Variants in HERC4 observed in about 807,000 individuals in gnomAD.
The protein encoded by HERC4 is HECT and RLD domain containing E3 ubiquitin protein ligase 4.
Under a neutral mutation model 124.3 loss-of-function variants are expected in HERC4, and 28 were observed. The ratio of observed to expected loss-of-function variants is 0.23; its 90% CI spans 0.17 to 0.31. HERC4 has a LOEUF of 0.31. HERC4 is among the 10% of genes least tolerant of loss of function. The probability of loss-of-function intolerance (pLI) is 1.00; values close to 1 mark genes in which losing one functional copy is unlikely to be tolerated. For missense variants in HERC4, 713 were observed against 1,229.3 expected (o/e 0.58, Z 6.28); for synonymous variants, 407 against 421.5 (o/e 0.97, Z 0.42).
chr10:67,928,041 A>G (rs1180263520), intron 23 of HERC4, among the ~76,000 whole-genome samples: 3 of 152,152 alleles, frequency 2.0e-5, no homozygotes, highest in African/African-American at 4.8e-5. Flanking sequence ...TAAACACACA[A>G]AGGAGGTGAG....
intron 3 of HERC4, among the ~76,000 whole-genome samples, chr10:68,053,410 C>T (rs2040410148): frequency 6.6e-6 from 1 of 151,654 alleles, no homozygotes; most frequent in African/African-American, 2.4e-5. Context: ...CTCAGGTGAT[C>T]CTCCTGCTTC....
intron 19 of HERC4, among the ~76,000 whole-genome samples, chr10:67,950,943 T>A (rs1024835816): frequency 6.6e-6 from 1 of 152,140 alleles, no homozygotes; most frequent in Non-Finnish European, 1.5e-5. Context: ...GCTAATGCCA[T>A]GGCTGGGGTG....
intron 8 of HERC4, among the ~76,000 whole-genome samples, 164 bp from the exon 9 acceptor site, chr10:68,014,350 A>C (rs758439167): frequency 6.6e-6 from 1 of 152,240 alleles, no homozygotes; most frequent in Non-Finnish European, 1.5e-5. Flanking sequence ...AACAGACTTA[A>C]TCTATAGAAT....
chr10:67,988,515 A>C, intron 15 of HERC4, 148 bp downstream of exon 15: 1 of 515,352 alleles, frequency 1.9e-6, no homozygotes, highest in Non-Finnish European at 3.3e-6. Context: ...ACTTCTTTTA[A>C]GAGAAAGTAT....
At chr10:67,967,319 G>C (rs1317397956) in intron 15 of HERC4, among the ~76,000 whole-genome samples, 1 of 152,072 alleles carries the variant, frequency 6.6e-6, no homozygotes, top group African/African-American at 2.4e-5. Flanking sequence ...TCTGCATTCA[G>C]TACCCCAAAA....
intron 19 of HERC4, among the ~76,000 whole-genome samples, chr10:67,949,532 C>G (rs769698696): frequency 2.0e-5 from 3 of 152,286 alleles, no homozygotes; most frequent in South Asian, 2.1e-4. Context: ...AAACCAATAT[C>G]CCTTATGACT....
At chr10:67,933,735 T>C (rs150585699) in intron 22 of HERC4, among the ~76,000 whole-genome samples, 62 of 152,286 alleles carry the variant, frequency 4.1e-4, no homozygotes, top group African/African-American at 1.4e-3. Flanking sequence ...ACAATCCTAA[T>C]AGCCAACATT....
chr10:68,010,852 C>T (rs2037907866), intron 9 of HERC4: 2 of 1,531,590 alleles, frequency 1.3e-6, no homozygotes, highest in South Asian at 2.3e-5. Flanking sequence ...CAAGTTCTTT[C>T]TGCAGAGCTT....
intron 16 of HERC4, among the ~76,000 whole-genome samples, chr10:67,957,505 C>T (rs1191765486): frequency 2.6e-5 from 4 of 152,018 alleles, no homozygotes; most frequent in African/African-American, 7.2e-5. Context: ...TTTAAAGTTA[C>T]GAGAACTGAT....
intron 16 of HERC4, among the ~76,000 whole-genome samples, chr10:67,957,661 C>T (rs757046681): frequency 2.4e-4 from 36 of 152,104 alleles, no homozygotes; most frequent in Non-Finnish European, 4.3e-4. Flanking sequence ...AGTTGGAGGA[C>T]GACCTACTTC....
intron 23 of HERC4, among the ~76,000 whole-genome samples, chr10:67,930,209 G>GT (rs1301065213): frequency 6.6e-6 from 1 of 151,788 alleles, no homozygotes; most frequent in Non-Finnish European, 1.5e-5. Context: ...GTTGTTTCCA[G>GT]TTTTTCACTC....
At chr10:68,027,277 T>C (rs891514988) in intron 7 of HERC4, among the ~76,000 whole-genome samples, 9 of 152,232 alleles carry the variant, frequency 5.9e-5, no homozygotes, top group African/African-American at 1.9e-4. Flanking sequence ...AGAGAAAATA[T>C]AGTAAATCAC....
chr10:68,071,579 G>A (rs897412879), intron 3 of HERC4, among the ~76,000 whole-genome samples: 4 of 152,048 alleles, frequency 2.6e-5, no homozygotes, highest in African/African-American at 9.7e-5. Context: ...AATAGTAAAG[G>A]GCCCATTTGT....
intron 22 of HERC4, among the ~76,000 whole-genome samples, chr10:67,933,952 G>T (rs1398937695): frequency 3.3e-5 from 5 of 152,000 alleles, no homozygotes; most frequent in African/African-American, 1.2e-4. Flanking sequence ...CAACTCCCTG[G>T]CAACAGCCAC....
intron 8 of HERC4, among the ~76,000 whole-genome samples, chr10:68,020,535 G>A (rs2038549977): frequency 1.3e-5 from 2 of 152,084 alleles, no homozygotes; most frequent in Admixed American, 6.5e-5. Context: ...GGGAGGCCGA[G>A]GCGGGCAGAT....
At chr10:67,932,806 C>T in intron 22 of HERC4, 26 bp from the exon 23 acceptor site, 2 of 1,554,004 alleles carry the variant, frequency 1.3e-6, no homozygotes, top group Non-Finnish European at 1.7e-6. Flanking sequence ...CACACATGTA[C>T]AGATTATAAA....
At chr10:67,984,729 C>A (rs931584765) in intron 15 of HERC4, among the ~76,000 whole-genome samples, 1 of 152,086 alleles carries the variant, frequency 6.6e-6, no homozygotes, top group African/African-American at 2.4e-5. Flanking sequence ...ATTACAGACA[C>A]GTGCCACCAC....
intron 15 of HERC4, among the ~76,000 whole-genome samples, chr10:67,970,348 C>T (rs961053125): frequency 4.6e-5 from 7 of 151,980 alleles, no homozygotes; most frequent in African/African-American, 7.2e-5. Flanking sequence ...TCCCAGCACT[C>T]GGGGAGGAGA....
intron 21 of HERC4, among the ~76,000 whole-genome samples, chr10:67,938,447 G>GGA: frequency 8.0e-6 from 1 of 125,426 alleles, no homozygotes; most frequent in South Asian, 2.5e-4. Context: ...CAAAAAAAAA[G>GGA]AAAAAAAAAA....
Sources: gnomAD v4.1 joint callset for allele counts (sites outside exome capture counted in the v4.1 genomes callset) on GRCh38, gnomAD v4.1.1 for gene constraint, MANE v1.5 for transcripts, NCBI Gene and HGNC (gene_info 2026-07-23, HGNC 2026-07-21) for gene names.